CHRM3: variants seen among roughly 807,000 people sequenced by gnomAD.
The protein encoded by CHRM3 is muscarinic acetylcholine receptor M3.
A neutral mutation model predicts 41.8 loss-of-function variants in CHRM3; 11 were observed. That is an observed-to-expected ratio of 0.26 (90% CI 0.17 to 0.44). The LOEUF is 0.44. Ranked by LOEUF, CHRM3 falls within the 20% of genes least tolerant of loss-of-function variation. The pLI is 1.00. For missense variants in CHRM3, 571 were observed against 745.4 expected, an observed-to-expected ratio of 0.77 and a Z score of 2.72; for synonymous variants, 297 against 301.4, an observed-to-expected ratio of 0.99 and a Z score of 0.15.
intron 5 of CHRM3, among the ~76,000 whole-genome samples, chr1:239,688,556 A>G (rs1194281184): frequency 1.5e-5 from 2 of 137,108 alleles, no homozygotes; most frequent in Non-Finnish European, 3.1e-5. Flanking sequence ...TATTTATATA[A>G]CATATATTAT....
intron 6 of CHRM3, among the ~76,000 whole-genome samples, chr1:239,872,433 A>T (rs181584774): frequency 5.6e-4 from 86 of 152,310 alleles, no homozygotes; most frequent in African/African-American, 2.0e-3. Flanking sequence ...AGGAGTAGCT[A>T]TCCTGAAAAG....
At chr1:239,595,335 C>G (rs1664664739) in intron 3 of CHRM3, among the ~76,000 whole-genome samples, 1 of 152,142 alleles carries the variant, frequency 6.6e-6, no homozygotes, top group African/African-American at 2.4e-5. Context: ...TCAGGTGGTC[C>G]TGGAACCCAT....
At chr1:239,425,154 G>A (rs10925882) in intron 1 of CHRM3, among the ~76,000 whole-genome samples, 40 of 152,302 alleles carry the variant, frequency 2.6e-4, no homozygotes, top group African/African-American at 8.9e-4. Flanking sequence ...GCAGTGATAA[G>A]AATTAACATT....
intron 1 of CHRM3, among the ~76,000 whole-genome samples, chr1:239,426,150 C>T (rs1662362591): frequency 1.1e-5 from 1 of 87,560 alleles, no homozygotes; most frequent in Non-Finnish European, 2.3e-5. Context: ...TCCCCCCTCC[C>T]CCCTCCCCCC....
intron 5 of CHRM3, among the ~76,000 whole-genome samples, chr1:239,723,103 G>A (rs1663125186): frequency 6.6e-6 from 1 of 151,802 alleles, no homozygotes. Flanking sequence ...GAGAAATACT[G>A]TTGAGTTGGA....
chr1:239,445,500 C>T (rs763689755), intron 1 of CHRM3, among the ~76,000 whole-genome samples: 1 of 152,092 alleles, frequency 6.6e-6, no homozygotes, highest in African/African-American at 2.4e-5. Flanking sequence ...GCCTCTGTTG[C>T]GGGTGGACTG....
At chr1:239,445,800 AG>A (rs1354067239) in intron 1 of CHRM3, among the ~76,000 whole-genome samples, 1 of 152,210 alleles carries the variant, frequency 6.6e-6, no homozygotes, top group Non-Finnish European at 1.5e-5. Flanking sequence ...TCTACTCAGC[AG>A]GGGTGAATCC....
At chr1:239,818,475 G>T (rs935836193) in intron 5 of CHRM3, among the ~76,000 whole-genome samples, 1 of 152,174 alleles carries the variant, frequency 6.6e-6, no homozygotes, top group African/African-American at 2.4e-5. Flanking sequence ...TTGGTGTCCA[G>T]TCTTTAAAGC....
chr1:239,814,441 A>C (rs999757568), intron 5 of CHRM3, among the ~76,000 whole-genome samples: 1 of 152,186 alleles, frequency 6.6e-6, no homozygotes, highest in African/African-American at 2.4e-5. Context: ...TGAATGTAAC[A>C]TGCATTTCAG....
chr1:239,718,881 C>T (rs935748044), intron 5 of CHRM3: 2 of 151,928 alleles, frequency 1.3e-5, no homozygotes, highest in Admixed American at 1.3e-4. Context: ...TGGTAACTAA[C>T]AGTACATCTT....
At chr1:239,691,265 T>C (rs924230293) in intron 5 of CHRM3, among the ~76,000 whole-genome samples, 2 of 151,988 alleles carry the variant, frequency 1.3e-5, no homozygotes, top group Non-Finnish European at 2.9e-5. Flanking sequence ...TTCAGACATA[T>C]AAAAAGAGAT....
At chr1:239,743,804 T>C (rs1665095639) in intron 5 of CHRM3, among the ~76,000 whole-genome samples, 1 of 137,904 alleles carries the variant, frequency 7.3e-6, no homozygotes, top group South Asian at 2.5e-4. Flanking sequence ...TTTTTTTTTT[T>C]TTTTTTGAGG....
intron 5 of CHRM3, among the ~76,000 whole-genome samples, chr1:239,747,753 C>T (rs1665493299): frequency 6.6e-6 from 1 of 152,108 alleles, no homozygotes; most frequent in African/African-American, 2.4e-5. Flanking sequence ...ATGCTTAGGC[C>T]GGGTGCTGTG....
intron 1 of CHRM3, among the ~76,000 whole-genome samples, chr1:239,401,135 G>T (rs1659937429): frequency 6.6e-6 from 1 of 152,184 alleles, no homozygotes; most frequent in Non-Finnish European, 1.5e-5. Flanking sequence ...CCTAGACCGT[G>T]TTAAGCTACG....
chr1:239,778,387 T>G (rs970472899), intron 5 of CHRM3, among the ~76,000 whole-genome samples: 9 of 152,184 alleles, frequency 5.9e-5, no homozygotes, highest in Non-Finnish European at 1.3e-4. Context: ...AATTTACTTC[T>G]GAAATCTCCA....
chr1:239,561,539 C>T (rs890508388), intron 3 of CHRM3, among the ~76,000 whole-genome samples: 10 of 151,948 alleles, frequency 6.6e-5, no homozygotes, highest in African/African-American at 9.7e-5. Flanking sequence ...GCACCCTCAT[C>T]GTTCTTAAAC....
At chr1:239,477,322 A>G (rs1340716929) in intron 1 of CHRM3, among the ~76,000 whole-genome samples, 1 of 152,212 alleles carries the variant, frequency 6.6e-6, no homozygotes, top group Non-Finnish European at 1.5e-5. Flanking sequence ...ATGTAGAGAA[A>G]TGCCTAGGGA....
chr1:239,420,586 T>G (rs1438231978), intron 1 of CHRM3, among the ~76,000 whole-genome samples: 1 of 152,152 alleles, frequency 6.6e-6, no homozygotes, highest in Non-Finnish European at 1.5e-5. Context: ...AAATATGTAT[T>G]TCATAATAAG....
At chr1:239,615,813 A>G (rs1667568067) in intron 3 of CHRM3, among the ~76,000 whole-genome samples, 1 of 152,110 alleles carries the variant, frequency 6.6e-6, no homozygotes, top group African/African-American at 2.4e-5. Flanking sequence ...TTTAACACTG[A>G]ATGCGGCGGG....
Sources: allele counts gnomAD v4.1 joint callset (sites outside exome capture counted in the v4.1 genomes callset), GRCh38; gene constraint gnomAD v4.1.1; transcripts MANE v1.5; gene names NCBI Gene and HGNC (gene_info 2026-07-23, HGNC 2026-07-21).